Variants in RTEL1 observed in about 807,000 individuals in gnomAD.
The protein encoded by RTEL1 is regulator of telomere length.
RTEL1 carries 86 observed loss-of-function variants against 162.2 expected under a neutral mutation model. The observed-to-expected ratio is 0.53, with a 90% CI of 0.45 to 0.63. The LOEUF is 0.63. Ranked by LOEUF, RTEL1 falls within the 30% of genes least tolerant of loss-of-function variation. The pLI is 0.00. For missense variants in RTEL1, 1,941 were observed against 1,750.2 expected, an observed-to-expected ratio of 1.11 and a Z score of -1.95; for synonymous variants, 958 against 717.9, an observed-to-expected ratio of 1.33 and a Z score of -5.35.
At chr20:63,665,649 A>AGGG (rs149579663) in intron 6 of RTEL1, among the ~76,000 whole-genome samples, 8,711 of 151,474 alleles carry the variant, frequency 0.058, 344 homozygotes, top group Non-Finnish European at 0.086. Context: ...CGATAGGCTG[A>AGGG]GGGGCTGTTC....
chr20:63,691,295 C>T (rs552082425), intron 27 of RTEL1, among the ~76,000 whole-genome samples: 26 of 152,320 alleles, frequency 1.7e-4, no homozygotes, highest in South Asian at 1.7e-3. Context: ...GAATGTGCTG[C>T]GGGTGGAACC....
chr20:63,689,322 C>T (rs1358396906), intron 22 of RTEL1, among the ~76,000 whole-genome samples, 180 bp from the exon 23 acceptor site: 2 of 152,126 alleles, frequency 1.3e-5, no homozygotes, highest in East Asian at 1.9e-4. Context: ...GTTTCCTGGC[C>T]ACAAGAGTTG....
intron 10 of RTEL1, among the ~76,000 whole-genome samples, chr20:63,674,729 C>G (rs1247228823): frequency 1.3e-5 from 2 of 151,730 alleles, no homozygotes; most frequent in African/African-American, 4.8e-5. Context: ...TAAATATATT[C>G]ACTGTAAGGG....
chr20:63,686,248 A>G, intron 16 of RTEL1: 1 of 321,140 alleles, frequency 3.1e-6, no homozygotes, highest in South Asian at 3.0e-5. Flanking sequence ...GCCAAGCCTC[A>G]GGGTCACATC....
In RTEL1 at chr20:63,695,223, T is replaced by C; in HGVS notation, c.3499+2T>C. ...TTACCCACAGGGCTCCCCAACCAGG[T>C]AGGGCACCTGCCTGGCTGCTCCTGG... On this transcript the variant is annotated splice_donor_variant, in intron 33 of 34. Coordinates refer to ENST00000360203, the MANE Select transcript of RTEL1 (RefSeq NM_001283009.2). LOFTEE classifies it high-confidence loss of function. 6.2e-7 allele frequency: 1 copy of C among 1,610,836 alleles called. No homozygotes were observed. The highest frequency in any genetic ancestry group is 8.5e-7 in the Non-Finnish European group (1 of 1,179,030).
intron 12 of RTEL1, 85 bp from the exon 13 acceptor site, chr20:63,679,764 C>A: frequency 9.6e-7 from 1 of 1,041,568 alleles, no homozygotes; most frequent in Non-Finnish European, 1.5e-6. Context: ...CCCCTCAGGC[C>A]CGAGCCTGCC....
Position 63,666,085 on chromosome 20 carries a change from A to T in RTEL1, c.614+6A>T. 1 of 1,613,244 alleles carries T rather than the reference A, an allele frequency of 6.2e-7. No individual in the cohort carries two copies. The highest frequency in any genetic ancestry group is 8.5e-7 in the Non-Finnish European group (1 of 1,179,400). Reference sequence around the variant, plus strand: ...AAGAGCGGAAGCAAGCACAGGTGAGACCCCTCAGTGAGGCCACGACCACTG... The same window carrying T: ...AAGAGCGGAAGCAAGCACAGGTGAGTCCCCTCAGTGAGGCCACGACCACTG... On this transcript the variant is annotated splice_donor_region_variant and intron_variant, in intron 7 of 34. Coordinates refer to ENST00000360203, the MANE Select transcript of RTEL1 (RefSeq NM_001283009.2).
At chr20:63,692,498 GGGA>G (rs1236349659) in intron 28 of RTEL1, 2 of 457,104 alleles carry the variant, frequency 4.4e-6, no homozygotes, top group Non-Finnish European at 4.0e-6. Context: ...GGGGGCTTGA[GGGA>G]GGAGGAGAGA....
intron 14 of RTEL1, chr20:63,681,804 G>A (rs1438665787): frequency 5.1e-6 from 5 of 985,218 alleles, no homozygotes; most frequent in African/African-American, 3.5e-5. Context: ...TTCTCTGTGC[G>A]GTAGCTGGGG....
chr20:63,685,957 CG>C, intron 16 of RTEL1, 85 bp downstream of exon 16: 1 of 1,317,578 alleles, frequency 7.6e-7, no homozygotes, highest in Non-Finnish European at 1.1e-6. Context: ...CATGCCCAGC[CG>C]TGGATCTCCT....
chr20:63,689,436 G>A, intron 22 of RTEL1, 66 bp from the exon 23 acceptor site: 2 of 1,456,146 alleles, frequency 1.4e-6, no homozygotes, highest in Non-Finnish European at 1.8e-6. Context: ...AGGTGGCTGG[G>A]CTGGGTGTGG....
Position 63,689,696 on chromosome 20 carries a change from G to GCC in RTEL1, c.2026-50_2026-49dup, listed in dbSNP as rs2090680221. ...TGGGGTAAGGCGGTCTGGTGACTGA[G>GCC]CCCCCGCCCCGTGGCCAAGGGAGCC... On this transcript the variant is annotated intron_variant, in intron 23 of 34. Transcript: ENST00000360203. The GCC allele has an allele frequency of 1.9e-6, 3 of 1,603,614 alleles. No individual in the cohort carries two copies. The African/African-American group carries it at 4.0e-5, about 21-fold the overall frequency.
In RTEL1 at chr20:63,695,233, G is replaced by A; in HGVS notation, c.3499+12G>A. On this transcript the variant is annotated intron_variant, in intron 33 of 34. Coordinates refer to ENST00000360203, the MANE Select transcript of RTEL1 (RefSeq NM_001283009.2). ...GGCTCCCCAACCAGGTAGGGCACCT[G>A]CCTGGCTGCTCCTGGCAGCGCCCCA... The A allele has an allele frequency of 6.2e-7, 1 of 1,610,076 alleles. No homozygotes were observed.
At position 63,671,681 on chromosome 20, in the gene RTEL1, C is replaced by T. The variant is rs749401061; in HGVS notation, c.700-875C>T. ...TTTTTTTTTGTATTTTTAGTAGAGA[C>T]GGGGTTTCACAGTGTTCGCCAGGCT... On this transcript the variant is annotated intron_variant, in intron 8 of 34. Coordinates refer to ENST00000360203, the MANE Select transcript of RTEL1 (RefSeq NM_001283009.2). Among the ~76,000 whole-genome samples, 407 of 148,342 alleles carry T rather than the reference C, an allele frequency of 2.7e-3. 2 individuals are homozygous for T. The highest frequency in any genetic ancestry group is 4.0e-3 in the Non-Finnish European group (267 of 67,240).
In RTEL1 at chr20:63,693,227, G is replaced by A. The variant is rs574134304; in HGVS notation, c.2936G>A (p.Arg979Gln). Residue 979 changes from arginine to glutamine, a missense_variant, in exon 30 of 35, where the codon CGG (arginine) becomes CAG (glutamine). Coordinates refer to ENST00000360203, the MANE Select transcript of RTEL1 (RefSeq NM_001283009.2). The part of the protein sequence containing the change: ...IQLTGRGCGY[R>Q]PEHSIPRRQR... ...CTGACAGGACGAGGCTGTGGCTATCGGCCTGAGCACAGCATTCCCCGAAGG... is the reference window on the plus strand; with the variant it reads ...CTGACAGGACGAGGCTGTGGCTATCAGCCTGAGCACAGCATTCCCCGAAGG... 5 of 1,612,078 alleles carry A rather than the reference G, an allele frequency of 3.1e-6. No homozygotes were observed. Among genetic ancestry groups the A allele is most frequent in the East Asian group, 4.5e-5 (2 of 44,890 alleles).
chr20:63,662,756 G>C lies in RTEL1; in HGVS notation c.478-73G>C, dbSNP rs1601087472. ...ACTGGGGGACTGCAGGGGAGGACCT[G>C]GTGGGGGTGGGGACTGGCTTCGGTC... On this transcript the variant is annotated intron_variant, in intron 5 of 34. Coordinates refer to ENST00000360203, the MANE Select transcript of RTEL1 (RefSeq NM_001283009.2). 1.4e-5 allele frequency: 22 copies of C among 1,596,582 alleles called. No individual in the cohort carries two copies. The South Asian group carries it at 2.2e-4, about 16-fold the overall frequency.
In RTEL1 at chr20:63,674,067, A is replaced by T. The variant is rs371358427; in HGVS notation, c.893A>T (p.Glu298Val). 1.9e-6 allele frequency: 3 copies of T among 1,613,084 alleles called. No individual in the cohort carries two copies. In the African/African-American group the frequency reaches 4.0e-5, roughly 22 times the overall value. The change falls in exon 10 of 35, where the codon GAG becomes GTG. Residue 298 changes from glutamate (E) to valine (V), a missense_variant. Physicochemically the swap from Glu to Val is moderately radical, Grantham distance 121 (BLOSUM62 -2). Coordinates refer to ENST00000360203, the MANE Select transcript of RTEL1 (RefSeq NM_001283009.2). Reference protein sequence around the residue: ...KAAQQGEPHPEFSADSPSPGL... With the variant: ...KAAQQGEPHPVFSADSPSPGL... ...GCGCAGCAGGGTGAGCCCCACCCGGAGTTCAGCGCGGACTCCCCCAGCCCA... is the reference window on the plus strand; with the variant it reads ...GCGCAGCAGGGTGAGCCCCACCCGGTGTTCAGCGCGGACTCCCCCAGCCCA...
At chr20:63,677,715 C>T (rs541142642) in intron 10 of RTEL1, among the ~76,000 whole-genome samples, 1 of 151,568 alleles carries the variant, frequency 6.6e-6, no homozygotes, top group South Asian at 2.1e-4. Flanking sequence ...GTGGATTTGG[C>T]CTGCACGGAT....
chr20:63,691,617 C>T, intron 27 of RTEL1, 125 bp from the exon 28 acceptor site: 1 of 774,102 alleles, frequency 1.3e-6, no homozygotes, highest in Non-Finnish European at 2.2e-6. Context: ...GCTGTGCCCC[C>T]CTCCCCCGAC....
Sources: gnomAD v4.1 joint callset for allele counts (sites outside exome capture counted in the v4.1 genomes callset) on GRCh38, gnomAD v4.1.1 for gene constraint, MANE v1.5 for transcripts, NCBI Gene and HGNC (gene_info 2026-07-23, HGNC 2026-07-21) for gene names.